PHF24: variants seen among roughly 807,000 people sequenced by gnomAD.
PHF24 encodes the protein Galpha inhibitory interacting protein.
In PHF24, 25 loss-of-function variants were observed where a neutral mutation model predicts 42.6. That is an observed-to-expected ratio of 0.59 (90% CI 0.43 to 0.82). The LOEUF (loss-of-function observed/expected upper bound fraction) is 0.82, where lower values mean the gene tolerates loss of function less well. Among genes scored for constraint, PHF24 ranks in the 40% least tolerant of loss-of-function variants. The probability of loss-of-function intolerance (pLI) is 0.00; values close to 1 mark genes in which losing one functional copy is unlikely to be tolerated. For missense variants in PHF24, 470 were observed against 538.1 expected (o/e 0.87, Z 1.25); for synonymous variants, 185 against 204.8 (o/e 0.90, Z 0.83).
At chr9:34,822,512 A>G in the PHF24 span, among the ~76,000 whole-genome samples, 2 of 152,224 alleles carry the variant, frequency 1.3e-5, no homozygotes, top group African/African-American at 4.8e-5. Context: ...ATACCTCCAA[A>G]AAGAGATTCT....
the PHF24 span, among the ~76,000 whole-genome samples, chr9:34,883,603 C>T: frequency 1.3e-5 from 2 of 152,298 alleles, no homozygotes; most frequent in African/African-American, 4.8e-5. Context: ...AGCCAACAGA[C>T]ACATGAAAAA....
chr9:34,860,809 T>G, the PHF24 span, among the ~76,000 whole-genome samples: 1 of 152,198 alleles, frequency 6.6e-6, no homozygotes, highest in Non-Finnish European at 1.5e-5. Context: ...ATGGGGTAAC[T>G]GAGCCACATT....
the PHF24 span, among the ~76,000 whole-genome samples, chr9:34,829,288 A>G: frequency 1.3e-5 from 2 of 152,084 alleles, no homozygotes; most frequent in Admixed American, 1.3e-4. Flanking sequence ...TAAATGGATG[A>G]TGGTGGTGGG....
intron 3 of PHF24, among the ~76,000 whole-genome samples, chr9:34,975,904 A>G (rs1048429202): frequency 7.9e-5 from 12 of 152,034 alleles, no homozygotes; most frequent in Non-Finnish European, 1.8e-4. Flanking sequence ...CCACTGTTTT[A>G]GTAAAGGGAC....
At chr9:34,906,469 T>C in the PHF24 span, among the ~76,000 whole-genome samples, 2 of 152,072 alleles carry the variant, frequency 1.3e-5, no homozygotes, top group African/African-American at 4.8e-5. Flanking sequence ...GAAAGGAATC[T>C]TAAGTTTCAT....
the PHF24 span, among the ~76,000 whole-genome samples, chr9:34,912,203 G>A: frequency 6.6e-6 from 1 of 152,110 alleles, no homozygotes; most frequent in Non-Finnish European, 1.5e-5. Flanking sequence ...GGAGGAACTG[G>A]GGGAAAAAAT....
At chr9:34,906,948 T>C in the PHF24 span, among the ~76,000 whole-genome samples, 1 of 152,178 alleles carries the variant, frequency 6.6e-6, no homozygotes, top group Non-Finnish European at 1.5e-5. Flanking sequence ...TGCAGTGGTG[T>C]GATTATAGCT....
At chr9:34,862,975 T>C in the PHF24 span, among the ~76,000 whole-genome samples, 2 of 151,860 alleles carry the variant, frequency 1.3e-5, no homozygotes, top group Non-Finnish European at 2.9e-5. Context: ...GAAGGGTCCT[T>C]GGGCCATAAG....
the PHF24 span, among the ~76,000 whole-genome samples, chr9:34,786,353 G>A: frequency 6.6e-6 from 1 of 152,132 alleles, no homozygotes; most frequent in African/African-American, 2.4e-5. Flanking sequence ...CCTGAGAAGA[G>A]CTAAGGAAGC....
At chr9:34,694,074 C>T in the PHF24 span, among the ~76,000 whole-genome samples, 1 of 151,782 alleles carries the variant, frequency 6.6e-6, no homozygotes, top group East Asian at 1.9e-4. Flanking sequence ...CTCACCTTGG[C>T]CTCCCAAAGT....
At chr9:34,930,352 T>C in the PHF24 span, among the ~76,000 whole-genome samples, 69,661 of 152,072 alleles carry the variant, frequency 0.46, 16,394 homozygotes, top group Non-Finnish European at 0.51. Context: ...CCTGAAATGG[T>C]TTACCATCTC....
chr9:34,725,136 A>C, the PHF24 span: 226 of 1,547,062 alleles, frequency 1.5e-4, no homozygotes, highest in Non-Finnish European at 1.9e-4. Flanking sequence ...GAAATTCTGC[A>C]GTCCCAGGAC....
the PHF24 span, among the ~76,000 whole-genome samples, chr9:34,815,600 G>A: frequency 6.6e-6 from 1 of 152,194 alleles, no homozygotes; most frequent in African/African-American, 2.4e-5. Context: ...GGGATTACAG[G>A]CGTGAGCTAC....
chr9:34,860,631 C>T, the PHF24 span, among the ~76,000 whole-genome samples: 1 of 151,642 alleles, frequency 6.6e-6, no homozygotes, highest in Non-Finnish European at 1.5e-5. Context: ...AGTTCACATG[C>T]TCTTGATTTT....
chr9:34,922,636 A>G, the PHF24 span: 3 of 1,038,798 alleles, frequency 2.9e-6, no homozygotes, highest in African/African-American at 1.6e-5. Context: ...ACAGTACATC[A>G]TTGCAGCTAT....
chr9:34,928,637 T>C, the PHF24 span, among the ~76,000 whole-genome samples: 1 of 152,160 alleles, frequency 6.6e-6, no homozygotes, highest in South Asian at 2.1e-4. Flanking sequence ...CCTTATAGAA[T>C]TGTTCTTCCC....
the PHF24 span, among the ~76,000 whole-genome samples, chr9:34,848,043 A>G: frequency 6.6e-6 from 1 of 152,070 alleles, no homozygotes; most frequent in Non-Finnish European, 1.5e-5. Flanking sequence ...TTCATCAAGG[A>G]TATTGATCTA....
the PHF24 span, among the ~76,000 whole-genome samples, chr9:34,816,661 G>A: frequency 6.6e-6 from 1 of 152,118 alleles, no homozygotes; most frequent in Non-Finnish European, 1.5e-5. Flanking sequence ...CATTCATGAG[G>A]GCTGAGCCTC....
At chr9:34,690,352 G>A in the PHF24 span, 11 of 1,612,640 alleles carry the variant, frequency 6.8e-6, no homozygotes, top group African/African-American at 2.7e-5. Flanking sequence ...GCTGGGATGG[G>A]GAAAGAAGGT....
Sources: gnomAD v4.1 joint callset for allele counts (sites outside exome capture counted in the v4.1 genomes callset) on GRCh38, gnomAD v4.1.1 for gene constraint, MANE v1.5 for transcripts, NCBI Gene and HGNC (gene_info 2026-07-23, HGNC 2026-07-21) for gene names.